TLCD4: variants seen among roughly 807,000 people sequenced by gnomAD.
TLCD4 encodes the protein TLC domain containing 4, also known as TLC domain-containing protein 4.
TLCD4 carries 7 observed loss-of-function variants against 24.2 expected under a neutral mutation model. That is an observed-to-expected ratio of 0.29 (90% confidence interval 0.16 to 0.54). The LOEUF (loss-of-function observed/expected upper bound fraction) is 0.54. TLCD4 is among the 20% of genes least tolerant of loss of function. The pLI is 0.95. For synonymous variants in TLCD4, 103 were observed against 106.4 expected, an observed-to-expected ratio of 0.97 and a Z score of 0.20; for missense variants, 259 against 313.9, an observed-to-expected ratio of 0.82 and a Z score of 1.32.
In TLCD4 at chr1:95,191,708, TTGGAGTTTTAATCCA is replaced by T; in HGVS notation, c.633_647del (p.Gly212_Gln216del). The stretch of plus-strand genomic sequence containing the variant: ...TATGGAACAGAACCCTACATAAGGC[TTGGAGTTTTAATCCA>T]GTTATCCTGGGTCATTAGTTGTGTT... On this transcript the variant is annotated inframe_deletion, in exon 7 of 7. Transcript: ENST00000370203. The T allele has an allele frequency of 6.2e-7, 1 of 1,614,170 alleles. No individual in the cohort carries two copies.
At chr1:95,162,752 C>T (rs11165326) in intron 5 of TLCD4, among the ~76,000 whole-genome samples, 67,114 of 151,668 alleles carry the variant, frequency 0.44, 16,268 homozygotes, top group Middle Eastern at 0.57. Flanking sequence ...ATTTCTCCTT[C>T]ACTTATGAAG....
chr1:95,171,397 ACAATAAT>A (rs1678217389), intron 5 of TLCD4, among the ~76,000 whole-genome samples: 2 of 152,224 alleles, frequency 1.3e-5, no homozygotes, highest in African/African-American at 4.8e-5. Flanking sequence ...TTTGCAGTTC[ACAATAAT>A]GGATCATCCA....
intron 5 of TLCD4, among the ~76,000 whole-genome samples, chr1:95,173,275 C>T (rs1678290987): frequency 1.3e-5 from 2 of 150,730 alleles, no homozygotes; most frequent in Admixed American, 1.3e-4. Flanking sequence ...TGTTATAAAA[C>T]TCCTCATCTT....
chr1:95,132,325 C>T (rs1341312625), intron 1 of TLCD4, among the ~76,000 whole-genome samples: 1 of 151,930 alleles, frequency 6.6e-6, no homozygotes, highest in Non-Finnish European at 1.5e-5. Context: ...GGCGTGGTGG[C>T]ACACGTCTGT....
intron 1 of TLCD4, among the ~76,000 whole-genome samples, chr1:95,137,234 G>A (rs959805646): frequency 2.0e-5 from 3 of 152,116 alleles, no homozygotes; most frequent in South Asian, 2.1e-4. Context: ...ATTTGAGAGC[G>A]GTGAATATTT....
At chr1:95,098,510 G>A in the TLCD4 span, among the ~76,000 whole-genome samples, 3 of 152,098 alleles carry the variant, frequency 2.0e-5, no homozygotes, top group Non-Finnish European at 4.4e-5. Context: ...CTGTGCTTCC[G>A]TGGTTTTGCA....
chr1:95,170,353 A>T (rs991073478), intron 5 of TLCD4, among the ~76,000 whole-genome samples: 3 of 144,822 alleles, frequency 2.1e-5, no homozygotes, highest in African/African-American at 7.6e-5. Flanking sequence ...TTTTTTGAGA[A>T]GAGTCTCGCT....
chr1:95,161,040 C>A (rs1272311257), intron 5 of TLCD4, among the ~76,000 whole-genome samples: 5 of 152,182 alleles, frequency 3.3e-5, no homozygotes, highest in Non-Finnish European at 7.3e-5. Context: ...AGAGGATTCC[C>A]TCTTTTTCTG....
intron 1 of TLCD4, among the ~76,000 whole-genome samples, chr1:95,124,709 T>C (rs1036209190): frequency 6.6e-6 from 1 of 152,168 alleles, no homozygotes. Context: ...CAAAGTAGTA[T>C]AGAATATACA....
At chr1:95,156,310 C>T (rs1280411199) in intron 5 of TLCD4, among the ~76,000 whole-genome samples, 1 of 152,070 alleles carries the variant, frequency 6.6e-6, no homozygotes, top group African/African-American at 2.4e-5. Flanking sequence ...TGAGGAAAGT[C>T]ACTGAGGAGA....
the TLCD4 span, among the ~76,000 whole-genome samples, chr1:95,103,190 G>A: frequency 1.3e-5 from 2 of 152,056 alleles, no homozygotes; most frequent in African/African-American, 4.8e-5. Context: ...CGTTGGCTGG[G>A]CTGGTCTTGA....
At position 95,150,192 on chromosome 1, in the gene TLCD4, C is replaced by CTTTT; in HGVS notation, c.246-7_246-4dup. 4.6e-6 allele frequency: 6 copies of CTTTT among 1,313,854 alleles called. No homozygotes were observed. Among genetic ancestry groups the CTTTT allele is most frequent in the African/African-American group, 3.0e-5 (2 of 66,926 alleles). 81.4% of individuals were successfully genotyped at this position (1,313,854 alleles called of 1,614,324 possible). On this transcript the variant is annotated splice_polypyrimidine_tract_variant and intron_variant, in intron 3 of 6. Coordinates refer to ENST00000370203, the MANE Select transcript of TLCD4 (RefSeq NM_152487.3). Reference sequence around the variant, plus strand: ...CAATCTATATACTTTAAAAAGGAACCTTTTTTTTTTTTCAGGGGTGGTCCA... The same window carrying CTTTT: ...CAATCTATATACTTTAAAAAGGAACCTTTTTTTTTTTTTTTTCAGGGGTGGTCCA...
intron 6 of TLCD4, among the ~76,000 whole-genome samples, chr1:95,180,061 A>G (rs1678579439): frequency 6.6e-6 from 1 of 152,218 alleles, no homozygotes; most frequent in South Asian, 2.1e-4. Context: ...AAATTTTGTT[A>G]AACTTTGCAT....
chr1:95,137,736 T>C (rs1463824949), intron 1 of TLCD4, among the ~76,000 whole-genome samples: 1 of 151,170 alleles, frequency 6.6e-6, no homozygotes, highest in East Asian at 2.0e-4. Flanking sequence ...CTCCCTTTCT[T>C]CCTTCTCTTT....
chr1:95,148,994 G>A (rs1165500311), intron 3 of TLCD4, among the ~76,000 whole-genome samples: 1 of 152,160 alleles, frequency 6.6e-6, no homozygotes, highest in South Asian at 2.1e-4. Context: ...TTGCCTTAGT[G>A]TAGCAATTGT....
At chr1:95,170,399 G>A (rs1220325773) in intron 5 of TLCD4, among the ~76,000 whole-genome samples, 1 of 144,108 alleles carries the variant, frequency 6.9e-6, no homozygotes, top group East Asian at 2.0e-4. Flanking sequence ...GCGTGATTTC[G>A]GCTCACTGCA....
the TLCD4 span, among the ~76,000 whole-genome samples, chr1:95,100,237 T>G: frequency 6.6e-6 from 1 of 152,056 alleles, no homozygotes; most frequent in Non-Finnish European, 1.5e-5. Context: ...CAAAGTCATA[T>G]AGCTATGAAA....
rs1002392415 is a variant in TLCD4 at position 95,157,589 on chromosome 1, G to T, written c.399+6170G>T. Among the ~76,000 whole-genome samples the T allele has an allele frequency of 3.9e-5, 6 of 152,358 alleles. No homozygotes were observed. The South Asian group carries it at 1.0e-3, about 26-fold the overall frequency. ...AAAAATGAAAGGAGAAAGCAAGCCA[G>T]TTGGGCAGTCTTGCTTGACGTCTCA... On this transcript the variant is annotated intron_variant, in intron 5 of 6. Coordinates refer to ENST00000370203, the MANE Select transcript of TLCD4 (RefSeq NM_152487.3).
At chr1:95,115,105 T>A (rs549775658), upstream of TLCD4, among the ~76,000 whole-genome samples, 104 of 143,814 alleles carry the variant, frequency 7.2e-4, no homozygotes, top group African/African-American at 2.3e-3. Flanking sequence ...TATATATATA[T>A]AATATATATG....
Sources: allele counts gnomAD v4.1 joint callset (sites outside exome capture counted in the v4.1 genomes callset), GRCh38; gene constraint gnomAD v4.1.1; transcripts MANE v1.5; gene names NCBI Gene and HGNC (gene_info 2026-07-23, HGNC 2026-07-21).